Variants in DLG2 observed in about 807,000 individuals in gnomAD.
DLG2 encodes discs large MAGUK scaffold protein 2, also known as disks large homolog 2.
Under a neutral mutation model 132.5 loss-of-function variants are expected in DLG2, and 45 were observed. The observed-to-expected ratio is 0.34, with a 90% CI of 0.27 to 0.44. The LOEUF is 0.44. DLG2 is among the 20% of genes least tolerant of loss of function. The probability of loss-of-function intolerance (pLI) is 1.00; values close to 1 mark genes in which losing one functional copy is unlikely to be tolerated. For missense variants in DLG2, 1,045 were observed against 1,196.9 expected, an observed-to-expected ratio of 0.87 and a Z score of 1.87; for synonymous variants, 424 against 419.6, an observed-to-expected ratio of 1.01 and a Z score of -0.13.
At chr11:85,037,514 C>A (rs2061519709) in intron 6 of DLG2, among the ~76,000 whole-genome samples, 1 of 152,110 alleles carries the variant, frequency 6.6e-6, no homozygotes, top group Non-Finnish European at 1.5e-5. Flanking sequence ...TGAGCATATC[C>A]TCAGGAGAGT....
At chr11:84,558,718 C>G (rs1431877284) in intron 6 of DLG2, among the ~76,000 whole-genome samples, 1 of 152,172 alleles carries the variant, frequency 6.6e-6, no homozygotes, top group Admixed American at 6.5e-5. Flanking sequence ...TTCCAGCTCT[C>G]AGGGCATAGT....
chr11:85,005,690 C>A (rs1185029046), intron 6 of DLG2, among the ~76,000 whole-genome samples: 3 of 152,154 alleles, frequency 2.0e-5, no homozygotes, highest in African/African-American at 7.2e-5. Context: ...CAATTTACTT[C>A]CTCTCTTCCT....
chr11:84,218,513 T>C (rs187098131), intron 8 of DLG2, among the ~76,000 whole-genome samples: 68 of 152,192 alleles, frequency 4.5e-4, no homozygotes, highest in Non-Finnish European at 8.8e-5. Flanking sequence ...GTTCATGACA[T>C]TGGAATTTGA....
intron 6 of DLG2, among the ~76,000 whole-genome samples, chr11:84,732,787 T>TC (rs1169473910): frequency 1.1e-4 from 16 of 145,850 alleles, no homozygotes; most frequent in African/African-American, 3.8e-4. Context: ...ATGCTATCCC[T>TC]CCCCCCACCC....
rs1565536317 is a variant in DLG2 at position 83,507,761 on chromosome 11, TATATATATA to T, written c.2194-23542_2194-23534del. Among the ~76,000 whole-genome samples, 25 of 12,954 alleles carry T rather than the reference TATATATATA, an allele frequency of 1.9e-3. No homozygotes were observed. The South Asian group carries it at 0.021, about 11-fold the overall frequency. 8.5% of individuals were successfully genotyped at this position (12,954 alleles called of 152,430 possible). On this transcript the variant is annotated intron_variant, in intron 21 of 27. Transcript: ENST00000376104. ...TATATTTACATATATATTTTTATTATATATATATATATATATATATATATATATATATAT... is the reference window on the plus strand; with the variant it reads ...TATATTTACATATATATTTTTATTATTATATATATATATATATATATATAT...
In DLG2 at chr11:83,677,510, T is replaced by C. The variant is rs559609468; in HGVS notation, c.1826-44185A>G. 7.7e-4 allele frequency among the ~76,000 whole-genome samples: 117 copies of C among 152,318 alleles called. 1 individual carries two copies. The highest frequency in any genetic ancestry group is 2.7e-3 in the African/African-American group (113 of 41,580). On this transcript the variant is annotated intron_variant, in intron 18 of 27. Transcript: ENST00000376104. ...TTCCTGAGACAGGAATTGCTATACC[T>C]GCTTTATAGCTAAGGAAAGCAAAGT...
intron 16 of DLG2, among the ~76,000 whole-genome samples, chr11:83,852,538 T>C (rs60787865): frequency 0.057 from 8,640 of 152,286 alleles, 565 homozygotes; most frequent in African/African-American, 0.16. Flanking sequence ...AATGCATCAT[T>C]AATTACTATT....
rs951792496 is a variant in DLG2, at chr11:85,354,443, T to G, written c.41-69078A>C. ...GGGGAAGGCCTATAAATTTTCACAA[T>G]GTCACCTTCTTATAAAGTCATTATT... On this transcript the variant is annotated intron_variant, in intron 3 of 27. Coordinates refer to ENST00000376104, the MANE Select transcript of DLG2 (RefSeq NM_001142699.3). 4.6e-5 allele frequency among the ~76,000 whole-genome samples: 7 copies of G among 152,254 alleles called. No individual in the cohort carries two copies. The South Asian group carries it at 1.2e-3, about 27-fold the overall frequency.
chr11:83,854,894 AT>A (rs34494537), intron 16 of DLG2, among the ~76,000 whole-genome samples: 68,774 of 151,832 alleles, frequency 0.45, 16,165 homozygotes, highest in Middle Eastern at 0.57. Flanking sequence ...CTGAGAGAAA[AT>A]GATTACAAAA....
At chr11:83,499,800 T>TCC (rs2094349719) in intron 21 of DLG2, among the ~76,000 whole-genome samples, 1 of 138,228 alleles carries the variant, frequency 7.2e-6, no homozygotes, top group Non-Finnish European at 1.5e-5. Context: ...ATATATAATA[T>TCC]CATATATATA....
chr11:83,603,276 C>G (rs1264657049), intron 19 of DLG2, among the ~76,000 whole-genome samples: 1 of 152,204 alleles, frequency 6.6e-6, no homozygotes, highest in Non-Finnish European at 1.5e-5. Context: ...AAGTACTCTT[C>G]TTCCATAAGT....
chr11:85,413,056 G>A (rs553014131), intron 3 of DLG2, among the ~76,000 whole-genome samples: 10 of 151,602 alleles, frequency 6.6e-5, no homozygotes, highest in Non-Finnish European at 1.0e-4. Context: ...CCTCTTCACC[G>A]CATCCCTGCC....
intron 7 of DLG2, among the ~76,000 whole-genome samples, chr11:84,499,351 T>C (rs981046734): frequency 6.6e-6 from 1 of 152,186 alleles, no homozygotes; most frequent in Non-Finnish European, 1.5e-5. Context: ...AACAACATGG[T>C]AGTAACAATT....
At chr11:84,459,533 A>G (rs2099074623) in intron 7 of DLG2, among the ~76,000 whole-genome samples, 1 of 150,656 alleles carries the variant, frequency 6.6e-6, no homozygotes, top group South Asian at 2.1e-4. Flanking sequence ...AAAAATTAAT[A>G]CTAGAAAATT....
At chr11:84,239,732 T>A (rs1222667015) in intron 8 of DLG2, among the ~76,000 whole-genome samples, 2 of 152,222 alleles carry the variant, frequency 1.3e-5, no homozygotes, top group African/African-American at 4.8e-5. Flanking sequence ...CTCCCCGATA[T>A]GTGCTAGTCT....
chr11:84,663,848 C>G (rs2099697288), intron 6 of DLG2, among the ~76,000 whole-genome samples: 1 of 152,134 alleles, frequency 6.6e-6, no homozygotes, highest in Non-Finnish European at 1.5e-5. Flanking sequence ...TTACTTCAGC[C>G]AATTCCACTC....
At chr11:84,856,877 TGAG>T (rs1235917770) in intron 6 of DLG2, among the ~76,000 whole-genome samples, 1 of 149,452 alleles carries the variant, frequency 6.7e-6, no homozygotes, top group Non-Finnish European at 1.5e-5. Flanking sequence ...AAAATAAATC[TGAG>T]GAGGCTGAAA....
chr11:84,100,698 G>A (rs2092446748), intron 9 of DLG2, among the ~76,000 whole-genome samples: 1 of 151,938 alleles, frequency 6.6e-6, no homozygotes, highest in African/African-American at 2.4e-5. Context: ...CCACTCTTGG[G>A]TAAAAAGAGA....
At chr11:84,926,871 A>G (rs2092996243) in intron 6 of DLG2, among the ~76,000 whole-genome samples, 1 of 152,056 alleles carries the variant, frequency 6.6e-6, no homozygotes, top group African/African-American at 2.4e-5. Context: ...TCAATTTCTG[A>G]ATTGATCTTA....
Sources: gnomAD v4.1 joint callset for allele counts (sites outside exome capture counted in the v4.1 genomes callset) on GRCh38, gnomAD v4.1.1 for gene constraint, MANE v1.5 for transcripts, NCBI Gene and HGNC (gene_info 2026-07-23, HGNC 2026-07-21) for gene names.